PAFAH1B3: variants seen among roughly 807,000 people sequenced by gnomAD.
The protein encoded by PAFAH1B3 is platelet-activating factor acetylhydrolase IB subunit alpha1.
Under a neutral mutation model 24.4 loss-of-function variants are expected in PAFAH1B3, and 15 were observed. That is an observed-to-expected ratio of 0.62 (90% CI 0.41 to 0.95). The LOEUF is 0.95. Ranked by LOEUF, PAFAH1B3 falls within the 40% of genes least tolerant of loss-of-function variation. The pLI, the probability that PAFAH1B3 is intolerant of heterozygous loss-of-function variation, is 0.00. For synonymous variants in PAFAH1B3, 144 were observed against 126.5 expected (o/e 1.14, Z -0.93); for missense variants, 266 against 312.2 (o/e 0.85, Z 1.12).
chr19:42,298,900 G>GC (rs1410568288), intron 4 of PAFAH1B3, among the ~76,000 whole-genome samples: 1 of 149,424 alleles, frequency 6.7e-6, no homozygotes, highest in Non-Finnish European at 1.5e-5. Context: ...TGCAAGCTCC[G>GC]CCCCCCGGGT....
chr19:42,297,747 G>A (rs2038558811), intron 4 of PAFAH1B3, among the ~76,000 whole-genome samples: 1 of 151,772 alleles, frequency 6.6e-6, no homozygotes, highest in Non-Finnish European at 1.5e-5. Context: ...CTAATTTTTT[G>A]TATTTTTATT....
At chr19:42,297,427 A>G in intron 4 of PAFAH1B3, 62 bp from the exon 5 acceptor site, 1 of 1,426,018 alleles carries the variant, frequency 7.0e-7, no homozygotes, top group Non-Finnish European at 9.5e-7. Context: ...TCTCTGTGCC[A>G]ACCTGTCCTC....
intron 4 of PAFAH1B3, among the ~76,000 whole-genome samples, chr19:42,298,205 A>G (rs2038567214): frequency 6.7e-6 from 1 of 149,620 alleles, no homozygotes; most frequent in Non-Finnish European, 1.5e-5. Flanking sequence ...TCAAAAAATA[A>G]ATAGGCCAAG....
chr19:42,302,632 A>C, upstream of PAFAH1B3: 1 of 349,434 alleles, frequency 2.9e-6, no homozygotes, highest in East Asian at 5.7e-5. Flanking sequence ...GAGAGGCGAG[A>C]CCATCCAGCT....
intron 2 of PAFAH1B3, 145 bp from the exon 3 acceptor site, chr19:42,300,432 G>A: frequency 1.5e-6 from 1 of 664,372 alleles, no homozygotes; most frequent in Non-Finnish European, 2.7e-6. Context: ...ATTTTACCTG[G>A]AGCAAACTCC....
intron 4 of PAFAH1B3, among the ~76,000 whole-genome samples, chr19:42,298,538 G>C (rs971779735): frequency 3.9e-5 from 6 of 152,128 alleles, no homozygotes; most frequent in African/African-American, 1.2e-4. Context: ...TCATGCCAAG[G>C]GATCAATCCG....
At chr19:42,301,711 G>A (rs1293517332) in intron 2 of PAFAH1B3, among the ~76,000 whole-genome samples, 1 of 152,190 alleles carries the variant, frequency 6.6e-6, no homozygotes, top group Non-Finnish European at 1.5e-5. Context: ...GCAAGCCTAT[G>A]GCAGGAAAGC....
In PAFAH1B3 at chr19:42,302,365, G is replaced by C; in HGVS notation, c.-56C>G. The C allele has an allele frequency of 6.7e-7, 1 of 1,486,530 alleles. No individual in the cohort carries two copies. The allele number at this position is 1,486,530 out of a possible 1,614,324, so 92.1% of individuals were successfully genotyped here. A position where few individuals can be genotyped will look rare whatever the true frequency, so the allele number is the denominator to read the frequency against. ...AGTCGGGTCGGCCCGGGAGTGTTCC[G>C]AACGGAGCTGGCTCCGCCACGCCCA... On this transcript the variant is annotated 5_prime_UTR_variant, in exon 1 of 5. Transcript: ENST00000262890.
intron 4 of PAFAH1B3, among the ~76,000 whole-genome samples, chr19:42,298,690 C>T (rs889482514): frequency 3.9e-5 from 6 of 152,160 alleles, no homozygotes; most frequent in Non-Finnish European, 7.3e-5. Context: ...CTCTGTCACC[C>T]GGGCGAGAGT....
At chr19:42,300,937 G>A (rs1310868123) in intron 2 of PAFAH1B3, among the ~76,000 whole-genome samples, 1 of 152,128 alleles carries the variant, frequency 6.6e-6, no homozygotes, top group Non-Finnish European at 1.5e-5. Context: ...GCCTCAGCCT[G>A]CCAAGTAGCT....
chr19:42,297,083 G>A lies in PAFAH1B3; in HGVS notation c.691C>T (p.Pro231Ser). 6.3e-7 allele frequency: 1 copy of A among 1,599,672 alleles called. No individual in the cohort carries two copies. The highest frequency in any genetic ancestry group is 8.6e-7 in the Non-Finnish European group (1 of 1,168,020). ...GQGAPLLEPA[P>S] ...GTGGGAAGGCAGCAGGATGCTTAGGGTGCGGGCTCCAGCAGGGGAGCACCT... is the reference window on the plus strand; with the variant it reads ...GTGGGAAGGCAGCAGGATGCTTAGGATGCGGGCTCCAGCAGGGGAGCACCT... Residue 231 changes from proline to serine, a missense_variant, in exon 5 of 5, where the codon CCC (proline) becomes TCC (serine). Transcript: ENST00000262890.
Position 42,302,222 on chromosome 19 carries a change from G to T in PAFAH1B3, c.78+10C>A. On this transcript the variant is annotated intron_variant, in intron 1 of 4. Transcript: ENST00000262890. ...CCGGACTCCTCAATATCCCAGGTGG[G>T]AACGCTCACCAGGGACATCCAGCGC... 6.3e-7 allele frequency: 1 copy of T among 1,585,906 alleles called. No homozygotes were observed. The highest frequency in any genetic ancestry group is 1.1e-5 in the South Asian group (1 of 87,102).
chr19:42,301,895 T>A (rs1221537230), intron 2 of PAFAH1B3, 55 bp downstream of exon 2: 3 of 1,414,854 alleles, frequency 2.1e-6, no homozygotes, highest in Non-Finnish European at 2.9e-6. Flanking sequence ...CTGGTCCAGA[T>A]GTGTCAGCAT....
rs1475557757 is a variant in PAFAH1B3 at position 42,300,208 on chromosome 19, C to T, written c.248G>A (p.Arg83Gln). ...GTGTTCCAGCTCCCCATTCTCCAGC[C>T]GCCACAGTACATGCTGTGTGCCGTC... Reference protein sequence around the residue: ...GGDGTQHVLWRLENGELEHIR... With the variant: ...GGDGTQHVLWQLENGELEHIR... The change falls in exon 3 of 5, where the codon CGG (arginine) becomes CAG (glutamine). Residue 83 changes from arginine to glutamine, a missense_variant. Physicochemically the swap from Arg to Gln is conservative, Grantham distance 43 (BLOSUM62 1). Transcript: ENST00000262890. 8 of 1,614,116 alleles carry T rather than the reference C, an allele frequency of 5.0e-6. No individual in the cohort carries two copies. Among genetic ancestry groups the T allele is most frequent in the East Asian group, 2.2e-5 (1 of 44,902 alleles).
Position 42,301,953 on chromosome 19 carries a change from G to T in PAFAH1B3, c.165C>A (p.Cys55Ter). The change falls in exon 2 of 5, where the codon TGC becomes TGA. Residue 55 changes from cysteine (C) to a stop codon, truncating the protein, a stop_gained. Transcript: ENST00000262890. LOFTEE classifies it high-confidence loss of function. Reference protein sequence around the residue: ...GDSLVQLMHQCEIWRELFSPL... With the variant: ...GDSLVQLMHQ ...GGGGGAGAGGGACTGCCCTCACCTC[G>T]CACTGGTGCATGAGCTGGACCAAGG... 2 of 1,557,018 alleles carry T rather than the reference G, an allele frequency of 1.3e-6. No homozygotes were observed. Among genetic ancestry groups the T allele is most frequent in the South Asian group, 1.2e-5 (1 of 84,378 alleles).
rs1240282855 is a variant in PAFAH1B3 at position 42,301,958 on chromosome 19, G to A, written c.160C>T (p.Gln54Ter). The change falls in exon 2 of 5, where the codon CAG becomes TAG. Residue 54 changes from glutamine to a stop codon, truncating the protein, a stop_gained. Coordinates refer to ENST00000262890, the MANE Select transcript of PAFAH1B3 (RefSeq NM_002573.4). LOFTEE classifies it high-confidence loss of function. ...IGDSLVQLMH[Q>*]CEIWRELFSP... Reference sequence around the variant, plus strand: ...AGAGGGACTGCCCTCACCTCGCACTGGTGCATGAGCTGGACCAAGGAGTCC... The same window carrying A: ...AGAGGGACTGCCCTCACCTCGCACTAGTGCATGAGCTGGACCAAGGAGTCC... 4 of 1,558,840 alleles carry A rather than the reference G, an allele frequency of 2.6e-6. No individual in the cohort carries two copies. Among genetic ancestry groups the A allele is most frequent in the Non-Finnish European group, 3.5e-6 (4 of 1,151,258 alleles).
In PAFAH1B3 at chr19:42,300,201, C is replaced by A. The variant is rs372592657; in HGVS notation, c.255G>T (p.Glu85Asp). 1.9e-6 allele frequency: 3 copies of A among 1,614,116 alleles called. No homozygotes were observed. The change falls in exon 3 of 5, where the codon GAG becomes GAT. Residue 85 changes from glutamate (E) to aspartate (D), a missense_variant. Transcript: ENST00000262890. ...DGTQHVLWRL[E>D]NGELEHIRPK... Reference sequence around the variant, plus strand: ...GCCGGATGTGTTCCAGCTCCCCATTCTCCAGCCGCCACAGTACATGCTGTG... The same window carrying A: ...GCCGGATGTGTTCCAGCTCCCCATTATCCAGCCGCCACAGTACATGCTGTG...
rs765182773 is a variant in PAFAH1B3, at chr19:42,297,048, G to T, written c.*30C>A. ...GGAAACAGCACACTGAGGAAGGAGA[G>T]TTTAATGTTGTGGGAAGGCAGCAGG... On this transcript the variant is annotated 3_prime_UTR_variant, in exon 5 of 5. Coordinates refer to ENST00000262890, the MANE Select transcript of PAFAH1B3 (RefSeq NM_002573.4). The T allele has an allele frequency of 6.3e-7, 1 of 1,586,018 alleles. No individual in the cohort carries two copies. Among genetic ancestry groups the T allele is most frequent in the Non-Finnish European group, 8.6e-7 (1 of 1,160,008 alleles).
At position 42,297,230 on chromosome 19, in the gene PAFAH1B3, C is replaced by A. The variant is rs1218440219; in HGVS notation, c.544G>T (p.Asp182Tyr). ...LDADPGFVHS[D>Y]GTISHHDMYD... ...ATGTCATGATGGCTGATGGTGCCAT[C>A]TGAGTGCACAAAGCCAGGGTCGGCA... The change falls in exon 5 of 5, where the codon GAT (aspartate) becomes TAT (tyrosine). Residue 182 changes from aspartate to tyrosine, a missense_variant. Transcript: ENST00000262890. 5.6e-6 allele frequency: 9 copies of A among 1,614,150 alleles called. No individual in the cohort carries two copies. The highest frequency in any genetic ancestry group is 7.6e-6 in the Non-Finnish European group (9 of 1,180,034).
Sources: gnomAD v4.1 joint callset for allele counts (sites outside exome capture counted in the v4.1 genomes callset) on GRCh38, gnomAD v4.1.1 for gene constraint, MANE v1.5 for transcripts, NCBI Gene and HGNC (gene_info 2026-07-23, HGNC 2026-07-21) for gene names.